ME1: variants seen among roughly 807,000 people sequenced by gnomAD.
The protein encoded by ME1 is NADP-dependent malic enzyme.
A neutral mutation model predicts 66.4 loss-of-function variants in ME1; 74 were observed. The observed-to-expected ratio is 1.11, with a 90% CI of 0.92 to 1.35. The LOEUF is 1.35. Among genes scored for constraint, ME1 ranks in the 40% most tolerant of loss-of-function variants. The pLI is 0.00. For missense variants in ME1, 750 were observed against 694.1 expected, an observed-to-expected ratio of 1.08 and a Z score of -0.90; for synonymous variants, 251 against 235.6, an observed-to-expected ratio of 1.07 and a Z score of -0.60.
intron 6 of ME1, among the ~76,000 whole-genome samples, chr6:83,314,527 C>G (rs960606415): frequency 2.6e-5 from 4 of 152,112 alleles, no homozygotes; most frequent in African/African-American, 9.7e-5. Flanking sequence ...ACATCTTTGC[C>G]TCTGATGGTT....
At chr6:83,297,950 T>C (rs1004254737) in intron 6 of ME1, among the ~76,000 whole-genome samples, 1 of 152,338 alleles carries the variant, frequency 6.6e-6, no homozygotes, top group South Asian at 2.1e-4. Flanking sequence ...ATTTTCTTTA[T>C]CCAGTCTATC....
intron 6 of ME1, among the ~76,000 whole-genome samples, chr6:83,271,893 G>A (rs1255971177): frequency 6.6e-6 from 1 of 152,124 alleles, no homozygotes; most frequent in Admixed American, 6.5e-5. Flanking sequence ...CATAGTAGGT[G>A]TATATATTTA....
chr6:83,234,195 A>G (rs1190309258), intron 9 of ME1, among the ~76,000 whole-genome samples: 3 of 152,154 alleles, frequency 2.0e-5, no homozygotes, highest in Admixed American at 6.5e-5. Context: ...TCAGGTAAAA[A>G]TGTCATCAGA....
chr6:83,310,490 T>C (rs2128538323), intron 6 of ME1, among the ~76,000 whole-genome samples: 1 of 152,270 alleles, frequency 6.6e-6, no homozygotes, highest in Non-Finnish European at 1.5e-5. Flanking sequence ...GCCTCCCAGG[T>C]AACCTAATCT....
chr6:83,223,305 C>T (rs1029095290), intron 12 of ME1, among the ~76,000 whole-genome samples: 1 of 152,150 alleles, frequency 6.6e-6, no homozygotes, highest in African/African-American at 2.4e-5. Flanking sequence ...CAGGCACACA[C>T]CACCATGCCC....
chr6:83,237,381 GA>G (rs1279455221), intron 9 of ME1, among the ~76,000 whole-genome samples: 3 of 141,906 alleles, frequency 2.1e-5, no homozygotes, highest in African/African-American at 8.5e-5. Flanking sequence ...GAAAAGGAAG[GA>G]AAGGAAGGAA....
At chr6:83,301,195 T>C (rs1289399655) in intron 6 of ME1, among the ~76,000 whole-genome samples, 1 of 150,814 alleles carries the variant, frequency 6.6e-6, no homozygotes, top group East Asian at 1.9e-4. Flanking sequence ...TAAAGTATAA[T>C]AATAAAAAAA....
At chr6:83,323,326 C>T (rs549372397) in intron 5 of ME1, among the ~76,000 whole-genome samples, 36 of 152,172 alleles carry the variant, frequency 2.4e-4, no homozygotes, top group African/African-American at 8.2e-4. Context: ...TGTAAATGGG[C>T]TAAATGCCCC....
intron 2 of ME1, among the ~76,000 whole-genome samples, chr6:83,405,335 G>C (rs1173798264): frequency 1.3e-5 from 2 of 152,122 alleles, no homozygotes; most frequent in East Asian, 3.8e-4. Flanking sequence ...AGGAATACTT[G>C]TGACTTTTGC....
At chr6:83,344,289 C>CAAAA (rs11402376) in intron 5 of ME1, among the ~76,000 whole-genome samples, 1 of 106,012 alleles carries the variant, frequency 9.4e-6, no homozygotes, top group African/African-American at 3.6e-5. Context: ...CTATCTCTTA[C>CAAAA]AAAAAAAAAA....
chr6:83,231,202 AT>A (rs1790301404), intron 9 of ME1, among the ~76,000 whole-genome samples: 1 of 152,196 alleles, frequency 6.6e-6, no homozygotes, highest in South Asian at 2.1e-4. Flanking sequence ...TGAATAATGT[AT>A]GAAAAGAAAA....
intron 3 of ME1, among the ~76,000 whole-genome samples, chr6:83,396,640 A>G (rs959284079): frequency 6.6e-6 from 1 of 152,234 alleles, no homozygotes; most frequent in Admixed American, 6.5e-5. Context: ...AATTCATATG[A>G]ACCACAAAAG....
At chr6:83,360,214 A>G (rs912385460) in intron 3 of ME1, among the ~76,000 whole-genome samples, 1 of 152,182 alleles carries the variant, frequency 6.6e-6, no homozygotes, top group Non-Finnish European at 1.5e-5. Context: ...ACCCCAGTAC[A>G]TTACCGACAA....
chr6:83,218,022 T>C (rs879724798), intron 12 of ME1, among the ~76,000 whole-genome samples: 1 of 152,216 alleles, frequency 6.6e-6, no homozygotes, highest in Non-Finnish European at 1.5e-5. Flanking sequence ...TAACATATAA[T>C]TGTAGGGTGT....
chr6:83,371,616 T>C (rs1263036363), intron 3 of ME1, among the ~76,000 whole-genome samples: 2 of 152,084 alleles, frequency 1.3e-5, no homozygotes, highest in Non-Finnish European at 2.9e-5. Flanking sequence ...TTCAAGCAAA[T>C]TCTTCTGATA....
chr6:83,405,147 G>A (rs563905960), intron 2 of ME1, among the ~76,000 whole-genome samples: 1 of 152,274 alleles, frequency 6.6e-6, no homozygotes, highest in Non-Finnish European at 1.5e-5. Context: ...AGCATGAAAT[G>A]TTCTTCCATT....
At chr6:83,215,732 G>A (rs539344832) in intron 13 of ME1, among the ~76,000 whole-genome samples, 1 of 152,310 alleles carries the variant, frequency 6.6e-6, no homozygotes, top group South Asian at 2.1e-4. Context: ...AGAGGCCTCA[G>A]AGGAAACCAA....
intron 6 of ME1, among the ~76,000 whole-genome samples, chr6:83,284,921 G>T (rs183468893): frequency 6.6e-6 from 1 of 152,256 alleles, no homozygotes; most frequent in African/African-American, 2.4e-5. Flanking sequence ...TCTCTGAGTA[G>T]TATTCCATGG....
intron 3 of ME1, among the ~76,000 whole-genome samples, chr6:83,362,352 A>C (rs1230258303): frequency 6.6e-6 from 1 of 152,216 alleles, no homozygotes; most frequent in Admixed American, 6.5e-5. Context: ...ATCCCATGTG[A>C]GTGCTCACTA....
Sources: gnomAD v4.1 joint callset for allele counts (sites outside exome capture counted in the v4.1 genomes callset) on GRCh38, gnomAD v4.1.1 for gene constraint, MANE v1.5 for transcripts, NCBI Gene and HGNC (gene_info 2026-07-23, HGNC 2026-07-21) for gene names.